PTPDC1: variants seen among roughly 807,000 people sequenced by gnomAD.
PTPDC1 encodes protein tyrosine phosphatase domain-containing protein 1.
A neutral mutation model predicts 75.3 loss-of-function variants in PTPDC1; 53 were observed. The ratio of observed to expected loss-of-function variants is 0.70; its 90% confidence interval spans 0.56 to 0.88. The LOEUF (loss-of-function observed/expected upper bound fraction) is 0.88, where lower values mean the gene tolerates loss of function less well. Among genes scored for constraint, PTPDC1 ranks in the 40% least tolerant of loss-of-function variants. The probability of loss-of-function intolerance (pLI) is 0.00; values close to 1 mark genes in which losing one functional copy is unlikely to be tolerated. For synonymous variants in PTPDC1, 349 were observed against 366.2 expected (o/e 0.95, Z 0.54); for missense variants, 925 against 998.6 (o/e 0.93, Z 0.99).
In PTPDC1 at chr9:94,059,544, G is replaced by A. The variant is rs79153168; in HGVS notation, c.-6-5190G>A. Among the ~76,000 whole-genome samples the A allele has an allele frequency of 3.9e-5, 6 of 152,224 alleles. No homozygotes were observed. In the East Asian group the frequency reaches 9.7e-4, roughly 24 times the overall value. ...CAAATATTTTGATGTATTAAATAGG[G>A]GAAGGTTGGCATGATGGAAAGTATG... On this transcript the variant is annotated intron_variant, in intron 1 of 9. Transcript: ENST00000375360.
chr9:94,102,174 G>T (rs4744316), intron 7 of PTPDC1, among the ~76,000 whole-genome samples: 100,508 of 152,032 alleles, frequency 0.66, 35,227 homozygotes, highest in African/African-American at 0.9. Context: ...ATTAAGCACT[G>T]TTTCACTGTT....
At chr9:94,106,494 T>C (rs1010876743) in intron 8 of PTPDC1, among the ~76,000 whole-genome samples, 2 of 152,228 alleles carry the variant, frequency 1.3e-5, no homozygotes, top group African/African-American at 4.8e-5. Context: ...ACCTAGGCCC[T>C]TCTGCATTGC....
intron 1 of PTPDC1, among the ~76,000 whole-genome samples, chr9:94,050,456 T>A (rs1476030746): frequency 3.3e-5 from 5 of 152,264 alleles, no homozygotes; most frequent in Admixed American, 2.0e-4. Context: ...GCTGCAGGTC[T>A]GTTGGAGTTT....
chr9:94,101,441 A>C, intron 6 of PTPDC1, 125 bp from the exon 7 acceptor site: 2 of 656,814 alleles, frequency 3.0e-6, no homozygotes, highest in Middle Eastern at 4.4e-4. Flanking sequence ...CCAGTTCTGC[A>C]CTCTGGAGCC....
Position 94,085,315 on chromosome 9 carries a change from T to C in PTPDC1, c.309T>C (p.Pro103=). The change falls in exon 2 of 9, where the codon CCT becomes CCC. Residue 103 remains proline (P), a synonymous_variant. Transcript: ENST00000620992. ...KVGERLRHVI[P]GHMACSMACG... is the part of the protein sequence containing the mutation. The stretch of plus-strand genomic sequence containing the variant: ...GGGAGCGTTTACGGCATGTCATTCC[T>C]GGACACATGGCATGTTCCATGGCGT... 6.2e-7 allele frequency: 1 copy of C among 1,614,232 alleles called. No homozygotes were observed. Among genetic ancestry groups the C allele is most frequent in the Non-Finnish European group, 8.5e-7 (1 of 1,180,032 alleles).
At chr9:94,093,912 C>T (rs1827428242) in intron 4 of PTPDC1, among the ~76,000 whole-genome samples, 1 of 150,912 alleles carries the variant, frequency 6.6e-6, no homozygotes, top group Admixed American at 6.6e-5. Context: ...ACGTAGTTCT[C>T]GAGCCTTGGT....
chr9:94,074,654 G>A (rs1387981577), intron 2 of PTPDC1, among the ~76,000 whole-genome samples: 1 of 152,110 alleles, frequency 6.6e-6, no homozygotes, highest in Non-Finnish European at 1.5e-5. Flanking sequence ...TGGGAAATGG[G>A]AATGTTGACT....
At chr9:94,050,068 G>C (rs1369634172) in intron 1 of PTPDC1, among the ~76,000 whole-genome samples, 2 of 152,112 alleles carry the variant, frequency 1.3e-5, no homozygotes. Context: ...GCTCCATCAG[G>C]TCCTTTAAGG....
chr9:94,095,409 G>A lies in PTPDC1; in HGVS notation c.709G>A (p.Glu237Lys), dbSNP rs774690271. The change falls in exon 5 of 9, where the codon GAA (glutamate) becomes AAA (lysine). Residue 237 changes from glutamate (E) to lysine (K), a missense_variant. Coordinates refer to ENST00000620992, the MANE Select transcript of PTPDC1 (RefSeq NM_001253829.2). ...MVKVMTFALQEGKVAIHCHAG... is the reference protein window; with the variant it reads ...MVKVMTFALQKGKVAIHCHAG... ...GAAGGTGATGACATTTGCCTTACAGGAAGGAAAAGTAGCTATCCATTGTCA... is the reference window on the plus strand; with the variant it reads ...GAAGGTGATGACATTTGCCTTACAGAAAGGAAAAGTAGCTATCCATTGTCA... 1.9e-6 allele frequency: 3 copies of A among 1,613,710 alleles called. No individual in the cohort carries two copies. Among genetic ancestry groups the A allele is most frequent in the Admixed American group, 1.7e-5 (1 of 60,014 alleles).
At chr9:94,056,315 C>T (rs1260152853) in intron 1 of PTPDC1, among the ~76,000 whole-genome samples, 1 of 151,962 alleles carries the variant, frequency 6.6e-6, no homozygotes, top group African/African-American at 2.4e-5. Context: ...TGGGCTTCCA[C>T]TCCTATTTTT....
intron 2 of PTPDC1, among the ~76,000 whole-genome samples, chr9:94,066,461 T>A (rs1183724291): frequency 6.6e-6 from 1 of 152,208 alleles, no homozygotes; most frequent in African/African-American, 2.4e-5. Flanking sequence ...ACATAAAGTA[T>A]TTATTTTTAA....
chr9:94,091,529 T>C (rs1437006006), intron 4 of PTPDC1, among the ~76,000 whole-genome samples: 1 of 152,160 alleles, frequency 6.6e-6, no homozygotes, highest in Admixed American at 6.5e-5. Flanking sequence ...ATCAAGGATA[T>C]TGGTCTAAAA....
At chr9:94,054,853 T>C (rs1825887706) in intron 1 of PTPDC1, among the ~76,000 whole-genome samples, 1 of 152,166 alleles carries the variant, frequency 6.6e-6, no homozygotes, top group South Asian at 2.1e-4. Flanking sequence ...CAGCAACCAG[T>C]TGGAAGGGGC....
intron 1 of PTPDC1, among the ~76,000 whole-genome samples, chr9:94,044,976 A>G (rs71496464): frequency 7.3e-6 from 1 of 136,516 alleles, no homozygotes; most frequent in Non-Finnish European, 1.6e-5. Context: ...TATATCTACT[A>G]ATGCTATCCC....
chr9:94,086,721 C>T (rs555534175), intron 2 of PTPDC1, among the ~76,000 whole-genome samples: 1 of 152,324 alleles, frequency 6.6e-6, no homozygotes, highest in East Asian at 1.9e-4. Flanking sequence ...GTAGGCCAGT[C>T]AGTGTGCTAG....
chr9:94,033,517 C>G (rs900874809), intron 1 of PTPDC1, among the ~76,000 whole-genome samples: 1 of 152,128 alleles, frequency 6.6e-6, no homozygotes, highest in African/African-American at 2.4e-5. Flanking sequence ...TATGTGACCT[C>G]GGGCTGGTGA....
At chr9:94,068,760 C>T (rs566967789) in intron 2 of PTPDC1, among the ~76,000 whole-genome samples, 4 of 152,216 alleles carry the variant, frequency 2.6e-5, no homozygotes, top group African/African-American at 9.6e-5. Flanking sequence ...CCCAACCCTC[C>T]GATAACTGGA....
Position 94,095,415 on chromosome 9 carries a change from A to C in PTPDC1, c.715A>C (p.Lys239Gln), listed in dbSNP as rs759807653. The C allele has an allele frequency of 6.2e-7, 1 of 1,613,966 alleles. No homozygotes were observed. Among genetic ancestry groups the C allele is most frequent in the Non-Finnish European group, 8.5e-7 (1 of 1,179,862 alleles). ...GATGACATTTGCCTTACAGGAAGGAAAAGTAGCTATCCATTGTCATGCAGG... is the reference window on the plus strand; with the variant it reads ...GATGACATTTGCCTTACAGGAAGGACAAGTAGCTATCCATTGTCATGCAGG... ...KVMTFALQEG[K>Q]VAIHCHAGLG... The change falls in exon 5 of 9, where the codon AAA (lysine) becomes CAA (glutamine). Residue 239 changes from lysine to glutamine, a missense_variant. Coordinates refer to ENST00000620992, the MANE Select transcript of PTPDC1 (RefSeq NM_001253829.2).
chr9:94,063,461 T>C (rs1826205671), intron 1 of PTPDC1, among the ~76,000 whole-genome samples: 1 of 152,238 alleles, frequency 6.6e-6, no homozygotes, highest in East Asian at 1.9e-4. Context: ...ACTATGCACA[T>C]TATAAAATTT....
Sources: allele counts gnomAD v4.1 joint callset (sites outside exome capture counted in the v4.1 genomes callset), GRCh38; gene constraint gnomAD v4.1.1; transcripts MANE v1.5; gene names NCBI Gene and HGNC (gene_info 2026-07-23, HGNC 2026-07-21).